Variants in LPP observed in about 807,000 individuals in gnomAD.
The protein encoded by LPP is LIM domain containing preferred translocation partner in lipoma, also known as lipoma-preferred partner.
Under a neutral mutation model 60.4 loss-of-function variants are expected in LPP, and 38 were observed. That is an observed-to-expected ratio of 0.63 (90% confidence interval 0.49 to 0.83). The LOEUF (loss-of-function observed/expected upper bound fraction) is 0.83. Among genes scored for constraint, LPP ranks in the 40% least tolerant of loss-of-function variants. The probability of loss-of-function intolerance (pLI) is 0.00; values close to 1 mark genes in which losing one functional copy is unlikely to be tolerated. For missense variants in LPP, 902 were observed against 783.6 expected, an observed-to-expected ratio of 1.15 and a Z score of -1.80; for synonymous variants, 328 against 290.8, an observed-to-expected ratio of 1.13 and a Z score of -1.30.
chr3:188,333,123 A>G (rs887249951), intron 2 of LPP, among the ~76,000 whole-genome samples: 1 of 152,188 alleles, frequency 6.6e-6, no homozygotes, highest in African/African-American at 2.4e-5. Context: ...AACATATTGC[A>G]TAGTATTTCT....
intron 5 of LPP, among the ~76,000 whole-genome samples, chr3:188,486,447 GA>G (rs746656014): frequency 6.6e-6 from 1 of 152,132 alleles, no homozygotes; most frequent in Non-Finnish European, 1.5e-5. Context: ...GATAAGTGGG[GA>G]AACAGGGAGG....
chr3:188,663,918 G>A (rs1245417716), intron 7 of LPP, among the ~76,000 whole-genome samples: 5 of 152,204 alleles, frequency 3.3e-5, no homozygotes, highest in African/African-American at 1.2e-4. Flanking sequence ...TGATCTGACA[G>A]GAGGCGGAGC....
intron 2 of LPP, among the ~76,000 whole-genome samples, chr3:188,310,368 A>G (rs1753020934): frequency 6.6e-6 from 1 of 152,170 alleles, no homozygotes; most frequent in Non-Finnish European, 1.5e-5. Context: ...AAGGAGAGAC[A>G]GGCCAAGGAT....
chr3:188,307,653 C>T (rs1751962212), intron 2 of LPP, among the ~76,000 whole-genome samples: 1 of 152,112 alleles, frequency 6.6e-6, no homozygotes, highest in Admixed American at 6.5e-5. Flanking sequence ...TAGGTCAGTG[C>T]CTGGCACATA....
rs191405412 is a variant in LPP at position 188,537,204 on chromosome 3, T to C, written c.429+12417T>C. On this transcript the variant is annotated intron_variant, in intron 6 of 11. Coordinates refer to ENST00000617246, the MANE Select transcript of LPP (RefSeq NM_001375462.1). ...CTCCCAACCAGGAAGGAAGGAAAGATAGGAAAATCAGAGTGGTCTGTTTGC... is the reference window on the plus strand; with the variant it reads ...CTCCCAACCAGGAAGGAAGGAAAGACAGGAAAATCAGAGTGGTCTGTTTGC... 9.2e-5 allele frequency among the ~76,000 whole-genome samples: 14 copies of C among 152,340 alleles called. No individual in the cohort carries two copies. The South Asian group carries it at 2.5e-3, about 27-fold the overall frequency.
intron 4 of LPP, among the ~76,000 whole-genome samples, chr3:188,466,837 A>ATG (rs1421298593): frequency 7.2e-6 from 1 of 138,024 alleles, no homozygotes; most frequent in Non-Finnish European, 1.6e-5. Context: ...ATATATATAT[A>ATG]TATATGCTGT....
At chr3:188,776,755 C>A (rs140318160) in intron 9 of LPP, among the ~76,000 whole-genome samples, 2 of 152,286 alleles carry the variant, frequency 1.3e-5, no homozygotes, top group Non-Finnish European at 2.9e-5. Flanking sequence ...GAGTGGAAGT[C>A]AATTCTCATG....
intron 2 of LPP, among the ~76,000 whole-genome samples, chr3:188,272,684 G>A (rs1281955109): frequency 6.6e-6 from 1 of 152,132 alleles, no homozygotes; most frequent in Non-Finnish European, 1.5e-5. Flanking sequence ...TCTACAAATA[G>A]TTTACAAGAA....
At chr3:188,289,918 T>C (rs889737602) in intron 2 of LPP, among the ~76,000 whole-genome samples, 2 of 152,094 alleles carry the variant, frequency 1.3e-5, no homozygotes, top group Non-Finnish European at 2.9e-5. Context: ...AATTACAAAA[T>C]GTATGTGAGT....
chr3:188,708,278 A>G lies in LPP; in HGVS notation c.1125A>G (p.Ser375=), dbSNP rs374772832. Residue 375 remains serine (S), a synonymous_variant, in exon 8 of 12, where the codon TCA becomes TCG. Coordinates refer to ENST00000617246, the MANE Select transcript of LPP (RefSeq NM_001375462.1). ...APPLQPKGGH[S]GQLGPSSVAP... ...TTTCTGCCTTTCAGGGTGGCCATTC[A>G]GGGCAACTGGGGCCTTCGTCAGTTG... 2.5e-6 allele frequency: 4 copies of G among 1,614,120 alleles called. No homozygotes were observed. Among genetic ancestry groups the G allele is most frequent in the Non-Finnish European group, 3.4e-6 (4 of 1,179,988 alleles).
At chr3:188,459,522 A>T (rs745410549) in intron 4 of LPP, among the ~76,000 whole-genome samples, 2 of 152,240 alleles carry the variant, frequency 1.3e-5, no homozygotes, top group Non-Finnish European at 2.9e-5. Flanking sequence ...GAGGAAGAAG[A>T]ATTTACGTAG....
At chr3:188,456,286 A>G (rs1228921176) in intron 4 of LPP, among the ~76,000 whole-genome samples, 1 of 152,210 alleles carries the variant, frequency 6.6e-6, no homozygotes, top group South Asian at 2.1e-4. Context: ...ATATGTGCTC[A>G]TTAGATCTTG....
At chr3:188,426,110 A>G (rs1394230397) in intron 4 of LPP, among the ~76,000 whole-genome samples, 2 of 149,180 alleles carry the variant, frequency 1.3e-5, no homozygotes, top group East Asian at 1.9e-4. Context: ...TTCCCCTCTA[A>G]ACACTGCTTT....
chr3:188,537,794 A>G (rs1824037891), intron 6 of LPP, among the ~76,000 whole-genome samples: 2 of 152,194 alleles, frequency 1.3e-5, no homozygotes, highest in South Asian at 4.1e-4. Context: ...TGCCAAAATC[A>G]TCTTGAAAAA....
intron 9 of LPP, among the ~76,000 whole-genome samples, chr3:188,830,530 G>A (rs1206651610): frequency 6.6e-6 from 1 of 151,828 alleles, no homozygotes; most frequent in African/African-American, 2.4e-5. Flanking sequence ...GCTTGAACCT[G>A]GGAGGCAGAG....
chr3:188,546,963 A>T (rs996760474), intron 6 of LPP, among the ~76,000 whole-genome samples: 13 of 152,236 alleles, frequency 8.5e-5, no homozygotes, highest in Non-Finnish European at 1.5e-5. Context: ...ACCACAAGGG[A>T]CTTCTACTGT....
intron 1 of LPP, among the ~76,000 whole-genome samples, chr3:188,187,426 G>T: frequency 6.6e-6 from 1 of 151,738 alleles, no homozygotes; most frequent in East Asian, 1.9e-4. Flanking sequence ...TCTACATTTT[G>T]TTTATTTTAT....
intron 4 of LPP, among the ~76,000 whole-genome samples, chr3:188,473,488 T>C (rs1802378429): frequency 6.6e-6 from 1 of 152,182 alleles, no homozygotes; most frequent in African/African-American, 2.4e-5. Context: ...GCCAGAATCA[T>C]TGAAGGAGCT....
At chr3:188,839,710 T>TAA (rs909485819) in intron 9 of LPP, among the ~76,000 whole-genome samples, 1 of 148,296 alleles carries the variant, frequency 6.7e-6, no homozygotes, top group African/African-American at 2.5e-5. Flanking sequence ...TCATCTCTAT[T>TAA]AAAAAAAAAA....
Sources: gnomAD v4.1 joint callset for allele counts (sites outside exome capture counted in the v4.1 genomes callset) on GRCh38, gnomAD v4.1.1 for gene constraint, MANE v1.5 for transcripts, NCBI Gene and HGNC (gene_info 2026-07-23, HGNC 2026-07-21) for gene names.